RASAL2: variants seen among roughly 807,000 people sequenced by gnomAD.
RASAL2 encodes the protein RAS protein activator like 2.
In RASAL2, 58 loss-of-function variants were observed where a neutral mutation model predicts 128.9. That is an observed-to-expected ratio of 0.45 (90% CI 0.36 to 0.56). RASAL2 has a LOEUF of 0.56. RASAL2 is among the 20% of genes least tolerant of loss of function. The pLI, the probability that RASAL2 is intolerant of heterozygous loss-of-function variation, is 0.00. For missense variants in RASAL2, 1,360 were observed against 1,601.6 expected (o/e 0.85, Z 2.57); for synonymous variants, 561 against 580.8 (o/e 0.97, Z 0.49).
intron 1 of RASAL2, among the ~76,000 whole-genome samples, chr1:178,278,574 A>G (rs1455098152): frequency 6.6e-6 from 1 of 152,226 alleles, no homozygotes; most frequent in Non-Finnish European, 1.5e-5. Flanking sequence ...GTGATTCAAA[A>G]GCAACTCAGA....
intron 3 of RASAL2, among the ~76,000 whole-genome samples, chr1:178,333,646 A>G (rs1669451041): frequency 6.6e-6 from 1 of 152,188 alleles, no homozygotes; most frequent in South Asian, 2.1e-4. Flanking sequence ...CCCAAGCCAT[A>G]TGCTGAGTTT....
intron 12 of RASAL2, 108 bp downstream of exon 12, chr1:178,454,756 C>A: frequency 1.1e-6 from 1 of 905,712 alleles, no homozygotes; most frequent in South Asian, 1.8e-5. Flanking sequence ...CAACTGTTTA[C>A]CCTAGAAATC....
Position 178,143,980 on chromosome 1 carries a change from C to G in RASAL2, c.202+49286C>G, listed in dbSNP as rs75860916. Among the ~76,000 whole-genome samples, 165 of 152,158 alleles carry G rather than the reference C, an allele frequency of 1.1e-3. 1 individual carries two copies. The highest frequency in any genetic ancestry group is 3.7e-3 in the African/African-American group (154 of 41,520). ...AAGTGGTGTTATAGTATCATTATTA[C>G]CTACTATCAGGAATAATTTCTTTTC... is the stretch of plus-strand genomic sequence containing the variant. On this transcript the variant is annotated intron_variant, in intron 1 of 17. Transcript: ENST00000367649.
chr1:178,161,867 T>C (rs1245766500), intron 1 of RASAL2, among the ~76,000 whole-genome samples: 1 of 152,166 alleles, frequency 6.6e-6, no homozygotes, highest in Non-Finnish European at 1.5e-5. Flanking sequence ...TTTGAGACAC[T>C]GTGTGTCTTC....
At chr1:178,183,134 C>G (rs1416220168) in intron 1 of RASAL2, among the ~76,000 whole-genome samples, 1 of 152,200 alleles carries the variant, frequency 6.6e-6, no homozygotes, top group Admixed American at 6.5e-5. Context: ...GACCCCTGAA[C>G]TAGAGTATAG....
chr1:178,255,396 T>C (rs1665287788), intron 1 of RASAL2, among the ~76,000 whole-genome samples: 1 of 152,052 alleles, frequency 6.6e-6, no homozygotes. Context: ...GCTCATAACA[T>C]ATAGAAACGT....
At chr1:178,382,779 A>C (rs998484881) in intron 3 of RASAL2, among the ~76,000 whole-genome samples, 1 of 152,216 alleles carries the variant, frequency 6.6e-6, no homozygotes, top group Non-Finnish European at 1.5e-5. Flanking sequence ...TGCACCAAAC[A>C]TGACAGTTTG....
chr1:178,441,348 G>T (rs577153480), intron 6 of RASAL2, among the ~76,000 whole-genome samples: 3 of 152,056 alleles, frequency 2.0e-5, no homozygotes, highest in Non-Finnish European at 4.4e-5. Flanking sequence ...TAAGGATGTC[G>T]CTCATTAGGT....
intron 1 of RASAL2, among the ~76,000 whole-genome samples, chr1:178,204,847 T>C (rs1346258705): frequency 6.6e-6 from 1 of 152,226 alleles, no homozygotes; most frequent in Admixed American, 6.5e-5. Context: ...TTCCAGAAAA[T>C]GAAATACAAT....
chr1:178,146,353 G>A (rs1014405112), intron 1 of RASAL2, among the ~76,000 whole-genome samples: 2 of 152,224 alleles, frequency 1.3e-5, no homozygotes, highest in African/African-American at 2.4e-5. Context: ...TGACGTAGGC[G>A]AAGCCTTGCA....
chr1:178,440,905 A>G (rs918735918), intron 6 of RASAL2, among the ~76,000 whole-genome samples: 2 of 145,908 alleles, frequency 1.4e-5, no homozygotes, highest in African/African-American at 5.1e-5. Context: ...AGTCTCAAGA[A>G]ATCTGATAAG....
intron 4 of RASAL2, among the ~76,000 whole-genome samples, chr1:178,390,870 G>T (rs777808430): frequency 4.1e-5 from 6 of 147,390 alleles, no homozygotes; most frequent in Admixed American, 6.8e-5. Flanking sequence ...CTGGTGGCAG[G>T]TTTTTTTTTT....
chr1:178,291,744 T>C (rs1267538768), intron 2 of RASAL2, among the ~76,000 whole-genome samples: 1 of 152,102 alleles, frequency 6.6e-6, no homozygotes, highest in Non-Finnish European at 1.5e-5. Context: ...TTAAGAATTA[T>C]AAAGAATGTG....
chr1:178,426,008 A>G lies in RASAL2; in HGVS notation c.674+5388A>G, dbSNP rs994621994. Among the ~76,000 whole-genome samples, 9 of 152,146 alleles carry G rather than the reference A, an allele frequency of 5.9e-5. 1 individual carries two copies. Among genetic ancestry groups the G allele is most frequent in the African/African-American group, 2.2e-4 (9 of 41,432 alleles). On this transcript the variant is annotated intron_variant, in intron 5 of 17. Coordinates refer to ENST00000367649, the MANE Select transcript of RASAL2 (RefSeq NM_170692.4). The stretch of plus-strand genomic sequence containing the variant: ...GTTCAGCTTCCACCCAGCTCTAGAA[A>G]GTCAGCAGCCAGACTTACCCCTGTC...
At chr1:178,132,538 A>C (rs1660159742) in intron 1 of RASAL2, among the ~76,000 whole-genome samples, 1 of 152,174 alleles carries the variant, frequency 6.6e-6, no homozygotes, top group Non-Finnish European at 1.5e-5. Context: ...CCAGTAATTT[A>C]CCTGTAGTTA....
chr1:178,112,759 G>C (rs1485256912), intron 1 of RASAL2, among the ~76,000 whole-genome samples: 2 of 115,744 alleles, frequency 1.7e-5, no homozygotes, highest in South Asian at 3.9e-4. Flanking sequence ...TTGTGGGGTG[G>C]GGGGAGGGAG....
intron 1 of RASAL2, among the ~76,000 whole-genome samples, chr1:178,278,748 G>A (rs1182550068): frequency 6.6e-6 from 1 of 151,950 alleles, no homozygotes; most frequent in African/African-American, 2.4e-5. Flanking sequence ...TAAAATTTTT[G>A]AGGCACTTTT....
intron 3 of RASAL2, among the ~76,000 whole-genome samples, chr1:178,364,835 T>C (rs1477859678): frequency 6.6e-6 from 1 of 152,216 alleles, no homozygotes; most frequent in East Asian, 1.9e-4. Context: ...AGAATAGTTA[T>C]GCATTAGCTA....
chr1:178,187,815 C>T (rs897784889), intron 1 of RASAL2, among the ~76,000 whole-genome samples: 2 of 152,112 alleles, frequency 1.3e-5, no homozygotes, highest in Non-Finnish European at 2.9e-5. Context: ...GAAGTACAGT[C>T]ATAGCTTCAC....
Sources: allele counts gnomAD v4.1 joint callset (sites outside exome capture counted in the v4.1 genomes callset), GRCh38; gene constraint gnomAD v4.1.1; transcripts MANE v1.5; gene names NCBI Gene and HGNC (gene_info 2026-07-23, HGNC 2026-07-21).